ETFA: variants seen among roughly 807,000 people sequenced by gnomAD.
The protein encoded by ETFA is electron transfer flavoprotein subunit alpha, also known as electron transfer flavoprotein subunit alpha, mitochondrial.
ETFA carries 22 observed loss-of-function variants against 46.2 expected under a neutral mutation model. That is an observed-to-expected ratio of 0.48 (90% CI 0.34 to 0.68). The LOEUF (loss-of-function observed/expected upper bound fraction) is 0.68, where lower values mean the gene tolerates loss of function less well. Among genes scored for constraint, ETFA ranks in the 30% least tolerant of loss-of-function variants. The pLI, the probability that ETFA is intolerant of heterozygous loss-of-function variation, is 0.01. For missense variants in ETFA, 345 were observed against 401.1 expected, an observed-to-expected ratio of 0.86 and a Z score of 1.19; for synonymous variants, 131 against 139.9, an observed-to-expected ratio of 0.94 and a Z score of 0.45.
chr15:76,249,733 G>A (rs889907229), intron 9 of ETFA, among the ~76,000 whole-genome samples: 1 of 152,088 alleles, frequency 6.6e-6, no homozygotes, highest in African/African-American at 2.4e-5. Flanking sequence ...GAGCCACCAT[G>A]CCCGGCCCAG....
At chr15:76,276,102 TTCTC>T (rs2039588847) in intron 8 of ETFA, among the ~76,000 whole-genome samples, 1 of 152,208 alleles carries the variant, frequency 6.6e-6, no homozygotes, top group South Asian at 2.1e-4. Context: ...TATCATTTCC[TTCTC>T]TCTAAAAGAA....
intron 9 of ETFA, among the ~76,000 whole-genome samples, chr15:76,244,916 T>C (rs962365164): frequency 6.6e-6 from 1 of 152,180 alleles, no homozygotes; most frequent in Non-Finnish European, 1.5e-5. Context: ...AATTTTTAAC[T>C]TTATATAATA....
At chr15:76,255,296 T>C (rs1301758446) in intron 9 of ETFA, among the ~76,000 whole-genome samples, 1 of 152,234 alleles carries the variant, frequency 6.6e-6, no homozygotes, top group Non-Finnish European at 1.5e-5. Flanking sequence ...CATTCAGAGT[T>C]GAGAGAAAAC....
chr15:76,300,985 C>T (rs771982578), intron 1 of ETFA, among the ~76,000 whole-genome samples: 1 of 152,188 alleles, frequency 6.6e-6, no homozygotes, highest in Admixed American at 6.5e-5. Flanking sequence ...GGCTTTGGAG[C>T]CAGCCACGTT....
chr15:76,274,283 T>A, intron 9 of ETFA, 129 bp downstream of exon 9: 2 of 754,950 alleles, frequency 2.6e-6, no homozygotes, highest in Admixed American at 4.0e-5. Context: ...AAATGACATA[T>A]TCACCATGGT....
At position 76,262,221 on chromosome 15, in the gene ETFA, G is replaced by A. The variant is rs150333481; in HGVS notation, c.816+12191C>T. On this transcript the variant is annotated intron_variant, in intron 9 of 11. Coordinates refer to ENST00000557943, the MANE Select transcript of ETFA (RefSeq NM_000126.4). The stretch of plus-strand genomic sequence containing the variant: ...ACCAAAAGAAATGATCCAAGCTATA[G>A]AGTAGGGAAAAAAAAGAGGAAAAAG... Among the ~76,000 whole-genome samples, 602 of 151,584 alleles carry A rather than the reference G, an allele frequency of 4.0e-3. 3 individuals are homozygous for A. Among genetic ancestry groups the A allele is most frequent in the African/African-American group, 0.014 (571 of 41,370 alleles).
intron 1 of ETFA, among the ~76,000 whole-genome samples, chr15:76,311,071 A>G (rs1305951417): frequency 6.6e-6 from 1 of 152,238 alleles, no homozygotes; most frequent in Non-Finnish European, 1.5e-5. Flanking sequence ...GGGAAACGGC[A>G]GGGCAGAGAG....
At chr15:76,310,369 G>GGAA (rs1555460071) in intron 1 of ETFA, among the ~76,000 whole-genome samples, 1 of 104,462 alleles carries the variant, frequency 9.6e-6, no homozygotes, top group Non-Finnish European at 1.9e-5. Flanking sequence ...TCCATGCCCA[G>GGAA]AAAAAAAAAA....
intron 11 of ETFA, among the ~76,000 whole-genome samples, chr15:76,220,615 G>T (rs1208088852): frequency 6.6e-6 from 1 of 152,070 alleles, no homozygotes; most frequent in Admixed American, 6.5e-5. Context: ...AATATATAAA[G>T]AACACTAACA....
chr15:76,227,293 G>C (rs989186458), intron 10 of ETFA, among the ~76,000 whole-genome samples: 1 of 151,916 alleles, frequency 6.6e-6, no homozygotes, highest in African/African-American at 2.4e-5. Context: ...GAGGCAGGCG[G>C]ATCACTTGAG....
At chr15:76,244,310 A>T (rs62030240) in intron 9 of ETFA, among the ~76,000 whole-genome samples, 10,993 of 152,300 alleles carry the variant, frequency 0.072, 456 homozygotes, top group Middle Eastern at 0.12. Flanking sequence ...TATGGAAAAT[A>T]GTAATGCCAG....
chr15:76,286,440 C>CT lies in ETFA; in HGVS notation c.492dup (p.Val165SerfsTer10). ...AAGGATGTTCCACGGACAGAAAACACTTTCACTTTCTCATCACACTTCACT... is the reference window on the plus strand; with the variant it reads ...AAGGATGTTCCACGGACAGAAAACACTTTTCACTTTCTCATCACACTTCACT... On this transcript the variant is annotated frameshift_variant, in exon 6 of 12. Transcript: ENST00000557943. LOFTEE classifies it high-confidence loss of function. 6.2e-7 allele frequency: 1 copy of CT among 1,613,642 alleles called. No homozygotes were observed. The highest frequency in any genetic ancestry group is 8.5e-7 in the Non-Finnish European group (1 of 1,179,568).
intron 9 of ETFA, among the ~76,000 whole-genome samples, chr15:76,266,424 T>A (rs1331651660): frequency 2.6e-5 from 4 of 152,176 alleles, no homozygotes; most frequent in Non-Finnish European, 5.9e-5. Flanking sequence ...TTTAAAAAAA[T>A]GTTATATTAT....
chr15:76,257,335 CTT>C (rs2039354644), intron 9 of ETFA, among the ~76,000 whole-genome samples: 1 of 152,108 alleles, frequency 6.6e-6, no homozygotes, highest in African/African-American at 2.4e-5. Flanking sequence ...CTTTGTTAGT[CTT>C]AAGATATTTT....
intron 8 of ETFA, among the ~76,000 whole-genome samples, chr15:76,280,429 T>G (rs774662824): frequency 3.3e-5 from 5 of 152,110 alleles, no homozygotes; most frequent in Non-Finnish European, 7.4e-5. Context: ...TTCAAATATA[T>G]ATCTCAAAAC....
At chr15:76,270,100 T>C (rs780943122) in intron 9 of ETFA, among the ~76,000 whole-genome samples, 2 of 152,170 alleles carry the variant, frequency 1.3e-5, no homozygotes, top group Non-Finnish European at 2.9e-5. Flanking sequence ...GAGGAGCAAC[T>C]AGAACCCACA....
intron 9 of ETFA, among the ~76,000 whole-genome samples, chr15:76,251,551 C>T (rs557587829): frequency 1.3e-5 from 2 of 152,308 alleles, no homozygotes; most frequent in East Asian, 3.9e-4. Context: ...TGCAATTCAA[C>T]AATTTTCTCT....
At position 76,264,556 on chromosome 15, in the gene ETFA, A is replaced by G. The variant is rs2039451207; in HGVS notation, c.816+9856T>C. Among the ~76,000 whole-genome samples the G allele has an allele frequency of 2.6e-5, 4 of 152,334 alleles. No homozygotes were observed. In the South Asian group the frequency reaches 8.3e-4, roughly 32 times the overall value. On this transcript the variant is annotated intron_variant, in intron 9 of 11. Coordinates refer to ENST00000557943, the MANE Select transcript of ETFA (RefSeq NM_000126.4). ...TATATTGATTTTATTGCTTGGCTCC[A>G]AGAGGCTGTGGCTGTATATAAAGCC...
chr15:76,259,413 G>T, intron 9 of ETFA: 1 of 1,243,248 alleles, frequency 8.0e-7, no homozygotes, highest in Non-Finnish European at 1.2e-6. Context: ...ACCTTGGCTT[G>T]GATGGAGTGG....
Sources: allele counts gnomAD v4.1 joint callset (sites outside exome capture counted in the v4.1 genomes callset), GRCh38; gene constraint gnomAD v4.1.1; transcripts MANE v1.5; gene names NCBI Gene and HGNC (gene_info 2026-07-23, HGNC 2026-07-21).